The following CYRIB variants were observed in gnomAD, a reference collection of about 807,000 sequenced individuals.
The protein encoded by CYRIB is CYFIP related Rac1 interactor B.
Under a neutral mutation model 44.2 loss-of-function variants are expected in CYRIB, and 8 were observed. The ratio of observed to expected loss-of-function variants is 0.18; its 90% CI spans 0.11 to 0.33. CYRIB has a LOEUF of 0.33. Ranked by LOEUF, CYRIB falls within the 10% of genes least tolerant of loss-of-function variation. The probability of loss-of-function intolerance (pLI) is 1.00; values close to 1 mark genes in which losing one functional copy is unlikely to be tolerated. For synonymous variants in CYRIB, 131 were observed against 127.2 expected (o/e 1.03, Z -0.20); for missense variants, 185 against 382.8 (o/e 0.48, Z 4.31).
chr8:129,900,198 TA>T lies in CYRIB; in HGVS notation c.-11+3113del, dbSNP rs200434525. On this transcript the variant is annotated intron_variant, in intron 2 of 11. Transcript: ENST00000519824. ...TGACTTGGACAAAGCAGCAAATGAG[TA>T]AAAAAAAAATGTGGGGCTTAATCCA... Among the ~76,000 whole-genome samples, 547 of 148,094 alleles carry T rather than the reference TA, an allele frequency of 3.7e-3. 4 individuals are homozygous for T. The highest frequency in any genetic ancestry group is 0.013 in the African/African-American group (527 of 40,404).
intron 1 of CYRIB, among the ~76,000 whole-genome samples, chr8:129,935,540 G>A (rs1173465597): frequency 2.6e-5 from 4 of 152,170 alleles, no homozygotes; most frequent in Admixed American, 6.5e-5. Context: ...GAGTAATGCC[G>A]CTCACCTCCT....
In CYRIB at chr8:129,855,763, GA is replaced by G; in HGVS notation, c.302-17del. On this transcript the variant is annotated splice_polypyrimidine_tract_variant and intron_variant, in intron 5 of 11. Coordinates refer to ENST00000519824, the Ensembl canonical transcript of CYRIB. ...AATGCTGCTTCTAAAGAAAAAAATT[GA>G]AAAAAACATTAAGTTGTTTGTATCT... 4 of 1,578,908 alleles carry G rather than the reference GA, an allele frequency of 2.5e-6. No homozygotes were observed. Among genetic ancestry groups the G allele is most frequent in the Non-Finnish European group, 3.4e-6 (4 of 1,164,176 alleles).
chr8:129,995,397 T>C (rs1389046473), intron 1 of CYRIB, among the ~76,000 whole-genome samples: 1 of 152,152 alleles, frequency 6.6e-6, no homozygotes, highest in Non-Finnish European at 1.5e-5. Flanking sequence ...TCTAAAGTAG[T>C]AGCAAAAGGT....
At chr8:129,914,145 T>C (rs1046426615) in intron 1 of CYRIB, among the ~76,000 whole-genome samples, 3 of 152,186 alleles carry the variant, frequency 2.0e-5, no homozygotes, top group African/African-American at 4.8e-5. Flanking sequence ...ATCCATGAGA[T>C]ACTTTTTTTT....
chr8:130,002,321 T>G (rs1400525066), intron 1 of CYRIB, among the ~76,000 whole-genome samples: 1 of 151,892 alleles, frequency 6.6e-6, no homozygotes, highest in Non-Finnish European at 1.5e-5. Flanking sequence ...ATTAATCAGA[T>G]GTAGTGGCAT....
At chr8:129,873,545 GA>G (rs2058105987) in intron 3 of CYRIB, among the ~76,000 whole-genome samples, 1 of 151,926 alleles carries the variant, frequency 6.6e-6, no homozygotes, top group South Asian at 2.1e-4. Context: ...ATGGAATTGT[GA>G]AACTACAGAC....
At chr8:130,016,056 C>G (rs1433441745) in intron 1 of CYRIB, among the ~76,000 whole-genome samples, 1 of 151,402 alleles carries the variant, frequency 6.6e-6, no homozygotes, top group East Asian at 1.9e-4. Context: ...CACAAGGCGC[C>G]GGCTCCGCAG....
At chr8:130,005,130 AT>A (rs1564784953) in intron 1 of CYRIB, among the ~76,000 whole-genome samples, 1 of 136,296 alleles carries the variant, frequency 7.3e-6, no homozygotes, top group South Asian at 2.3e-4. Context: ...AGAATTTTTT[AT>A]TTTTTATTTT....
upstream of CYRIB, among the ~76,000 whole-genome samples, chr8:129,940,514 T>C (rs1237994522): frequency 6.6e-6 from 1 of 152,146 alleles, no homozygotes; most frequent in Non-Finnish European, 1.5e-5. Flanking sequence ...GGCAAAAATA[T>C]CTAGTGGGCA....
chr8:129,847,191 G>C (rs2040523696), intron 10 of CYRIB: 1 of 219,276 alleles, frequency 4.6e-6, no homozygotes, highest in East Asian at 1.5e-4. Context: ...GGGCTGGGCA[G>C]GGTGGCTCAG....
intron 1 of CYRIB, among the ~76,000 whole-genome samples, chr8:130,003,615 G>A (rs2133988376): frequency 6.6e-6 from 1 of 152,324 alleles, no homozygotes; most frequent in East Asian, 1.9e-4. Context: ...GCTCCAAGGT[G>A]GAATCAAATG....
intron 2 of CYRIB, among the ~76,000 whole-genome samples, chr8:129,892,320 C>T (rs997390373): frequency 3.9e-5 from 6 of 152,268 alleles, no homozygotes; most frequent in South Asian, 2.1e-4. Context: ...CTTGAAAATA[C>T]GTTATCATTA....
At chr8:129,899,598 CAG>C (rs1025424850) in intron 2 of CYRIB, among the ~76,000 whole-genome samples, 10 of 152,054 alleles carry the variant, frequency 6.6e-5, no homozygotes, top group African/African-American at 2.4e-4. Context: ...ACCTACATAA[CAG>C]AGAGAGGATC....
chr8:129,871,272 ACTT>A, intron 4 of CYRIB, 100 bp downstream of exon 6: 3 of 1,320,214 alleles, frequency 2.3e-6, no homozygotes, highest in Non-Finnish European at 3.1e-6. Flanking sequence ...CAAATATAAT[ACTT>A]AATATGAAAT....
intron 1 of CYRIB, among the ~76,000 whole-genome samples, chr8:129,916,392 T>C (rs2080785702): frequency 6.6e-6 from 1 of 152,166 alleles, no homozygotes; most frequent in Non-Finnish European, 1.5e-5. Flanking sequence ...ACACTAATTT[T>C]ATCTCATCAC....
intron 1 of CYRIB, among the ~76,000 whole-genome samples, chr8:129,934,521 A>G (rs2092420763): frequency 6.6e-6 from 1 of 152,190 alleles, no homozygotes; most frequent in African/African-American, 2.4e-5. Flanking sequence ...AGGCCTCCAC[A>G]ACAACTGTTT....
At chr8:129,904,680 C>T (rs2074280114) in intron 1 of CYRIB, 95 bp from the exon 3 acceptor site, 1 of 152,178 alleles carries the variant, frequency 6.6e-6, no homozygotes, top group South Asian at 2.1e-4. Flanking sequence ...TTCATCCTAC[C>T]TCACTGGATG....
chr8:129,855,331 C>T (rs1399644435), intron 6 of CYRIB, among the ~76,000 whole-genome samples: 1 of 149,674 alleles, frequency 6.7e-6, no homozygotes, highest in Non-Finnish European at 1.5e-5. Flanking sequence ...GGAGAGGTTG[C>T]AGTGAGCTGA....
At chr8:129,966,433 T>G (rs2095480915) in intron 2 of CYRIB, among the ~76,000 whole-genome samples, 1 of 152,152 alleles carries the variant, frequency 6.6e-6, no homozygotes, top group Non-Finnish European at 1.5e-5. Flanking sequence ...TCACAAAAGG[T>G]TGTTTTGTTT....
Sources: gnomAD v4.1 joint callset for allele counts (sites outside exome capture counted in the v4.1 genomes callset) on GRCh38, gnomAD v4.1.1 for gene constraint, MANE v1.5 for transcripts, NCBI Gene and HGNC (gene_info 2026-07-23, HGNC 2026-07-21) for gene names.